The following APBB1 variants were observed in gnomAD, a reference collection of about 807,000 sequenced individuals.
APBB1 encodes the protein adaptor protein FE65a2.
APBB1 carries 22 observed loss-of-function variants against 78.4 expected under a neutral mutation model. The observed-to-expected ratio is 0.28, with a 90% CI of 0.20 to 0.40. The LOEUF is 0.40. Among genes scored for constraint, APBB1 ranks in the 10% least tolerant of loss-of-function variants. The pLI, the probability that APBB1 is intolerant of heterozygous loss-of-function variation, is 1.00. For synonymous variants in APBB1, 369 were observed against 372.7 expected (o/e 0.99, Z 0.12); for missense variants, 749 against 932.4 (o/e 0.80, Z 2.56).
chr11:6,402,493 G>A lies in APBB1; in HGVS notation c.1254+83C>T, dbSNP rs1848575892. On this transcript the variant is annotated intron_variant, in intron 7 of 14. Transcript: ENST00000609360. Reference sequence around the variant, plus strand: ...AATATCCCCCTTCCCCAGCCTGCTTGTGGGCAGGTCAGACCTCCCATCTCT... The same window carrying A: ...AATATCCCCCTTCCCCAGCCTGCTTATGGGCAGGTCAGACCTCCCATCTCT... 11 of 1,445,610 alleles carry A rather than the reference G, an allele frequency of 7.6e-6. No individual in the cohort carries two copies. The South Asian group carries it at 1.2e-4, about 16-fold the overall frequency. 89.5% of individuals were successfully genotyped at this position (1,445,610 alleles called of 1,614,324 possible).
chr11:6,399,507 T>C (rs2134049597), intron 12 of APBB1, among the ~76,000 whole-genome samples: 1 of 152,326 alleles, frequency 6.6e-6, no homozygotes, highest in South Asian at 2.1e-4. Context: ...CTGTTGACTA[T>C]ACCCGTCTAA....
At chr11:6,405,601 T>G in intron 2 of APBB1, 1 of 985,936 alleles carries the variant, frequency 1.0e-6, no homozygotes, top group Non-Finnish European at 1.2e-6. Flanking sequence ...TACGCCAAGG[T>G]GGCTGCACAC....
intron 12 of APBB1, among the ~76,000 whole-genome samples, chr11:6,398,235 A>G (rs1295545745): frequency 6.6e-6 from 1 of 150,724 alleles, no homozygotes; most frequent in Non-Finnish European, 1.5e-5. Flanking sequence ...TTTTTTTTGT[A>G]TCAGTTGTTG....
At position 6,415,148 on chromosome 11, in the gene APBB1, T is replaced by C. The variant is rs963979630; in HGVS notation, c.-14-3787A>G. Among the ~76,000 whole-genome samples the C allele has an allele frequency of 2.6e-5, 4 of 152,202 alleles. No homozygotes were observed. In the South Asian group the frequency reaches 8.3e-4, roughly 32 times the overall value. On this transcript the variant is annotated intron_variant, in intron 1 of 14. Transcript: ENST00000609360. Reference sequence around the variant, plus strand: ...AATTTTTTAAAGAAGGAACACAACCTAATCTCTCCCCTCTCATTGGAGTTA... The same window carrying C: ...AATTTTTTAAAGAAGGAACACAACCCAATCTCTCCCCTCTCATTGGAGTTA...
chr11:6,414,057 A>G (rs959503997), intron 1 of APBB1, among the ~76,000 whole-genome samples: 2 of 152,136 alleles, frequency 1.3e-5, no homozygotes, highest in Admixed American at 6.6e-5. Flanking sequence ...TGCCTTTCGG[A>G]TAACGCCTGC....
Position 6,401,262 on chromosome 11 carries a change from T to C in APBB1, c.1588+83A>G, listed in dbSNP as rs1444298305. 6.2e-7 allele frequency: 1 copy of C among 1,612,514 alleles called. No individual in the cohort carries two copies. The highest frequency in any genetic ancestry group is 2.2e-5 in the East Asian group (1 of 44,848). ...CATGTGTTCATTTTTCTATCAGCGC[T>C]GTCCAGGAGCTCATGCCTTTCCTTG... On this transcript the variant is annotated intron_variant, in intron 11 of 14. Coordinates refer to ENST00000609360, the MANE Select transcript of APBB1 (RefSeq NM_001164.5). This position sits in a 1 kb window ranked among gnomAD's most constrained non-coding sequence, Gnocchi z 4.5.
chr11:6,396,251 G>A (rs1449926644), intron 12 of APBB1, 36 bp from the exon 13 acceptor site: 1 of 1,503,790 alleles, frequency 6.6e-7, no homozygotes, highest in Non-Finnish European at 9.0e-7. Flanking sequence ...ACTGAGGGTA[G>A]ACAGAGGATA....
Position 6,403,791 on chromosome 11 carries a change from C to A in APBB1, c.753G>T (p.Thr251=). The stretch of plus-strand genomic sequence containing the variant: ...TCCATCCAGCCGGCAGGTCGGAATC[C>A]GTCTCGAAGGCGTTGGGGTTCCAGA... The part of the protein sequence containing the change: ...DSFWNPNAFE[T]DSDLPAGWMR... The change falls in exon 3 of 15, where the codon ACG becomes ACT. Residue 251 remains threonine, a synonymous_variant. Coordinates refer to ENST00000609360, the MANE Select transcript of APBB1 (RefSeq NM_001164.5). This position sits in a 1 kb window ranked among gnomAD's most constrained non-coding sequence, Gnocchi z 5.3. The A allele has an allele frequency of 6.4e-7, 1 of 1,571,672 alleles. No individual in the cohort carries two copies. The highest frequency in any genetic ancestry group is 1.2e-5 in the South Asian group (1 of 85,600).
Position 6,395,495 on chromosome 11 carries a change from G to A in APBB1, c.*39C>T. 6.6e-7 allele frequency: 1 copy of A among 1,505,212 alleles called. No individual in the cohort carries two copies. Among genetic ancestry groups the A allele is most frequent in the Non-Finnish European group, 8.9e-7 (1 of 1,127,598 alleles). The allele number at this position is 1,505,212 out of a possible 1,614,324, so 93.2% of individuals were successfully genotyped here. On this transcript the variant is annotated 3_prime_UTR_variant, in exon 15 of 15. Coordinates refer to ENST00000609360, the MANE Select transcript of APBB1 (RefSeq NM_001164.5). This position sits in a 1 kb window ranked among gnomAD's most constrained non-coding sequence, Gnocchi z 5.2. ...TGACCCACACCCTTTAGTTCCCTGG[G>A]GCCCAACACAAGCAGGTGGAGGGAA...
At chr11:6,404,694 C>G (rs1367159868) in intron 2 of APBB1, 1 of 1,535,958 alleles carries the variant, frequency 6.5e-7, no homozygotes, top group African/African-American at 1.4e-5. Context: ...TAACTCTTCT[C>G]TCCCTGTCAG....
intron 1 of APBB1, among the ~76,000 whole-genome samples, chr11:6,415,954 T>C (rs1255196821): frequency 6.6e-6 from 1 of 152,174 alleles, no homozygotes; most frequent in Non-Finnish European, 1.5e-5. Flanking sequence ...GCAAACTTCC[T>C]GAGAGAGTTG....
At chr11:6,406,796 C>A (rs1037272593) in intron 2 of APBB1, among the ~76,000 whole-genome samples, 2 of 152,174 alleles carry the variant, frequency 1.3e-5, no homozygotes, top group African/African-American at 4.8e-5. Flanking sequence ...CCCTCTCCCC[C>A]ACCACTCTCA....
chr11:6,402,424 G>A (rs1045752877), intron 7 of APBB1, 152 bp downstream of exon 7: 4 of 1,095,780 alleles, frequency 3.7e-6, no homozygotes, highest in Middle Eastern at 3.1e-4. Flanking sequence ...GTCCTGGCCT[G>A]GGGTCGCTCA....
At chr11:6,407,252 T>G (rs777302026) in intron 2 of APBB1, among the ~76,000 whole-genome samples, 1 of 152,178 alleles carries the variant, frequency 6.6e-6, no homozygotes, top group Non-Finnish European at 1.5e-5. Flanking sequence ...TCTCCACCAG[T>G]GCATGATCCT....
Position 6,403,237 on chromosome 11 carries a change from G to A in APBB1, c.1041-29C>T. 1 of 1,611,534 alleles carries A rather than the reference G, an allele frequency of 6.2e-7. No individual in the cohort carries two copies. Among genetic ancestry groups the A allele is most frequent in the Admixed American group, 1.7e-5 (1 of 59,730 alleles). On this transcript the variant is annotated intron_variant, in intron 5 of 14. Transcript: ENST00000609360. The surrounding 1 kb of genome is among the most constrained non-coding windows in gnomAD (Gnocchi z 5.3). Reference sequence around the variant, plus strand: ...AAGGCAGATGGTAATACTTGGCACAGGGCTCCCATAAATGGAGCTGTCCCA... The same window carrying A: ...AAGGCAGATGGTAATACTTGGCACAAGGCTCCCATAAATGGAGCTGTCCCA...
chr11:6,401,589 A>G lies in APBB1; in HGVS notation c.1488T>C (p.His496=). ...GGGGCCGTGCCTTAGAGCAGATCTC[A>G]TGCAGGCTGGTGGCGATGTTCTTGG... ...APAKNIATSL[H]EICSKIMAER... is the part of the protein sequence containing the mutation. The change falls in exon 10 of 15, where the codon CAT becomes CAC. Residue 496 remains histidine (H), a synonymous_variant. Coordinates refer to ENST00000609360, the MANE Select transcript of APBB1 (RefSeq NM_001164.5). This position sits in a 1 kb window ranked among gnomAD's most constrained non-coding sequence, Gnocchi z 4.5. 6.2e-7 allele frequency: 1 copy of G among 1,611,432 alleles called. No homozygotes were observed. The highest frequency in any genetic ancestry group is 8.5e-7 in the Non-Finnish European group (1 of 1,177,812).
Position 6,395,390 on chromosome 11 carries a change from C to A in APBB1, c.*144G>T. On this transcript the variant is annotated 3_prime_UTR_variant, in exon 15 of 15. Coordinates refer to ENST00000609360, the MANE Select transcript of APBB1 (RefSeq NM_001164.5). The surrounding 1 kb of genome is among the most constrained non-coding windows in gnomAD (Gnocchi z 5.2). ...GGATTAGATCTCTCCCTCCCCAGCT[C>A]CTAGGCAGGGAACCGTAGCTACTGG... 1 of 863,842 alleles carries A rather than the reference C, an allele frequency of 1.2e-6. No individual in the cohort carries two copies. Among genetic ancestry groups the A allele is most frequent in the East Asian group, 2.9e-5 (1 of 34,758 alleles). 53.5% of individuals were successfully genotyped at this position (863,842 alleles called of 1,614,324 possible).
In APBB1 at chr11:6,403,858, C is replaced by G; in HGVS notation, c.722-36G>C. Reference sequence around the variant, plus strand: ...GGAGGCTTGGTGAGGGTCAGCCTACCCAAAGAGCAGACAGCTGGTGCCTAT... The same window carrying G: ...GGAGGCTTGGTGAGGGTCAGCCTACGCAAAGAGCAGACAGCTGGTGCCTAT... On this transcript the variant is annotated intron_variant, in intron 2 of 14. Coordinates refer to ENST00000609360, the MANE Select transcript of APBB1 (RefSeq NM_001164.5). This position sits in a 1 kb window ranked among gnomAD's most constrained non-coding sequence, Gnocchi z 5.3. 3 of 1,520,898 alleles carry G rather than the reference C, an allele frequency of 2.0e-6. No individual in the cohort carries two copies. The highest frequency in any genetic ancestry group is 8.8e-7 in the Non-Finnish European group (1 of 1,133,926). The allele number at this position is 1,520,898 out of a possible 1,614,324, so 94.2% of individuals were successfully genotyped here. A position where few individuals can be genotyped will look rare whatever the true frequency, so the allele number is the denominator to read the frequency against.
intron 2 of APBB1, among the ~76,000 whole-genome samples, chr11:6,406,668 G>A (rs1462488654): frequency 1.3e-5 from 2 of 151,914 alleles, no homozygotes; most frequent in African/African-American, 4.8e-5. Context: ...TCTTTGCTTG[G>A]GACATGCCCC....
Sources: allele counts gnomAD v4.1 joint callset (sites outside exome capture counted in the v4.1 genomes callset), GRCh38; gene constraint gnomAD v4.1.1; non-coding constraint Gnocchi (gnomAD v3.1); transcripts MANE v1.5; gene names NCBI Gene and HGNC (gene_info 2026-07-23, HGNC 2026-07-21).